Variants in CA12 observed in about 807,000 individuals in gnomAD.
CA12 encodes the protein carbonate dehydratase XII.
Under a neutral mutation model 46.8 loss-of-function variants are expected in CA12, and 36 were observed. The ratio of observed to expected loss-of-function variants is 0.77; its 90% CI spans 0.59 to 1.02. The LOEUF (loss-of-function observed/expected upper bound fraction) is 1.02. Ranked by LOEUF, CA12 falls within the 50% of genes least tolerant of loss-of-function variation. The probability of loss-of-function intolerance (pLI) is 0.00; values close to 1 mark genes in which losing one functional copy is unlikely to be tolerated. For missense variants in CA12, 436 were observed against 451.4 expected (o/e 0.97, Z 0.31); for synonymous variants, 202 against 187.0 (o/e 1.08, Z -0.65).
chr15:63,350,984 G>C (rs2039221756), intron 2 of CA12, among the ~76,000 whole-genome samples: 1 of 152,142 alleles, frequency 6.6e-6, no homozygotes, highest in Non-Finnish European at 1.5e-5. Context: ...ACCACACCTA[G>C]AGAGTTAAGA....
intron 2 of CA12, among the ~76,000 whole-genome samples, chr15:63,351,084 C>A (rs190073198): frequency 1.3e-5 from 2 of 152,300 alleles, no homozygotes; most frequent in East Asian, 3.9e-4. Flanking sequence ...TTTCAGGGTT[C>A]ACATACAGTC....
chr15:63,370,437 T>G (rs1469102523), intron 2 of CA12, among the ~76,000 whole-genome samples: 3 of 133,080 alleles, frequency 2.3e-5, no homozygotes, highest in Admixed American at 1.6e-4. Flanking sequence ...GACAAAGCCC[T>G]GTCTCAAAAA....
chr15:63,343,312 G>A (rs373223029), intron 4 of CA12, among the ~76,000 whole-genome samples: 23 of 117,312 alleles, frequency 2.0e-4, no homozygotes, highest in Non-Finnish European at 2.5e-4. Flanking sequence ...ATGGAGTTTC[G>A]CTCTTGTTGC....
chr15:63,328,625 C>T lies in CA12; in HGVS notation c.875-495G>A, dbSNP rs562288176. 3.3e-5 allele frequency among the ~76,000 whole-genome samples: 5 copies of T among 152,200 alleles called. No individual in the cohort carries two copies. The South Asian group carries it at 8.3e-4, about 25-fold the overall frequency. ...TTGGGATTATAGGCGTGAGCCCCTG[C>T]GCCCGGCCCCGATGCTCCTTTATCA... On this transcript the variant is annotated intron_variant, in intron 8 of 10. Coordinates refer to ENST00000178638, the MANE Select transcript of CA12 (RefSeq NM_001218.5). This position sits in a 1 kb window ranked among gnomAD's most constrained non-coding sequence, Gnocchi z 5.9.
At chr15:63,347,593 A>C (rs1357575796) in intron 2 of CA12, among the ~76,000 whole-genome samples, 1 of 152,250 alleles carries the variant, frequency 6.6e-6, no homozygotes, top group African/African-American at 2.4e-5. Flanking sequence ...ACCAGATAGC[A>C]GTTCCTCCCC....
chr15:63,332,109 T>C (rs2038945158), intron 8 of CA12, among the ~76,000 whole-genome samples: 1 of 152,102 alleles, frequency 6.6e-6, no homozygotes, highest in Non-Finnish European at 1.5e-5. Context: ...GTTTGATAGT[T>C]TAAATACACA....
At chr15:63,368,684 T>G (rs1188890301) in intron 2 of CA12, among the ~76,000 whole-genome samples, 1 of 152,152 alleles carries the variant, frequency 6.6e-6, no homozygotes, top group East Asian at 1.9e-4. Flanking sequence ...GACCAGCAGG[T>G]AGCAGAATGG....
rs2039524217 is a variant in CA12 at position 63,372,806 on chromosome 15, T to C, written c.106+2852A>G. 6.6e-6 allele frequency among the ~76,000 whole-genome samples: 1 copy of C among 152,204 alleles called. No individual in the cohort carries two copies. The highest frequency in any genetic ancestry group is 1.5e-5 in the Non-Finnish European group (1 of 68,032). Reference sequence around the variant, plus strand: ...CATCTGTCCTCTCCTGCACGTCCCCTCTGAGGGCTGACTCCACATCACACA... The same window carrying C: ...CATCTGTCCTCTCCTGCACGTCCCCCCTGAGGGCTGACTCCACATCACACA... On this transcript the variant is annotated intron_variant, in intron 2 of 10. Transcript: ENST00000178638. The surrounding 1 kb of genome is among the most constrained non-coding windows in gnomAD (Gnocchi z 4.5).
chr15:63,358,223 C>A (rs548689091), intron 2 of CA12, among the ~76,000 whole-genome samples: 1 of 152,320 alleles, frequency 6.6e-6, no homozygotes, highest in African/African-American at 2.4e-5. Flanking sequence ...GTGCAGAGTG[C>A]TGCAAGGCAG....
At chr15:63,354,025 A>G (rs770115337) in intron 2 of CA12, among the ~76,000 whole-genome samples, 2 of 152,182 alleles carry the variant, frequency 1.3e-5, no homozygotes, top group Admixed American at 6.5e-5. Context: ...GAAGGCCACA[A>G]CCTGCTGAAT....
Position 63,381,663 on chromosome 15 carries a change from G to C in CA12, c.58C>G (p.Gln20Glu). 6.2e-7 allele frequency: 1 copy of C among 1,611,762 alleles called. No homozygotes were observed. Among genetic ancestry groups the C allele is most frequent in the Non-Finnish European group, 8.5e-7 (1 of 1,179,058 alleles). Reference sequence around the variant, plus strand: ...TTCACTGGGGCCGGGCTGGAAGGCTGTTCCTTTAAGATCACCAGCAGGAGC... The same window carrying C: ...TTCACTGGGGCCGGGCTGGAAGGCTCTTCCTTTAAGATCACCAGCAGGAGC... ...AVLLLVILKE[Q>E]PSSPAPVNGS... The change falls in exon 1 of 11, where the codon CAG becomes GAG. Residue 20 changes from glutamine (Q) to glutamate (E), a missense_variant. Physicochemically the swap from Gln to Glu is conservative, Grantham distance 29. Coordinates refer to ENST00000178638, the MANE Select transcript of CA12 (RefSeq NM_001218.5).
chr15:63,379,572 G>T (rs1021133949), intron 1 of CA12, among the ~76,000 whole-genome samples: 3 of 152,220 alleles, frequency 2.0e-5, no homozygotes, highest in African/African-American at 7.2e-5. Flanking sequence ...CCCAAGGAAG[G>T]TTATCTGTTC....
At chr15:63,357,207 C>T (rs1447242057) in intron 2 of CA12, among the ~76,000 whole-genome samples, 1 of 152,212 alleles carries the variant, frequency 6.6e-6, no homozygotes, top group Non-Finnish European at 1.5e-5. Flanking sequence ...GTTGCCAGAA[C>T]TTGAGTGCAC....
In CA12 at chr15:63,355,507, C is replaced by T. The variant is rs1277798140; in HGVS notation, c.107-8798G>A. Reference sequence around the variant, plus strand: ...TCTGGGGGTGGCGCCCAGCATCTGCCGTTGGACAAGGCTGCCAGGCGATGC... The same window carrying T: ...TCTGGGGGTGGCGCCCAGCATCTGCTGTTGGACAAGGCTGCCAGGCGATGC... On this transcript the variant is annotated intron_variant, in intron 2 of 10. Coordinates refer to ENST00000178638, the MANE Select transcript of CA12 (RefSeq NM_001218.5). This position sits in a 1 kb window ranked among gnomAD's most constrained non-coding sequence, Gnocchi z 4.1. Among the ~76,000 whole-genome samples, 2 of 152,194 alleles carry T rather than the reference C, an allele frequency of 1.3e-5. No individual in the cohort carries two copies. The highest frequency in any genetic ancestry group is 3.8e-4 in the East Asian group (2 of 5,200).
Position 63,348,127 on chromosome 15 carries a change from ACACATCGGAACC to A in CA12, c.107-1430_107-1419del, listed in dbSNP as rs1468967284. 6.6e-6 allele frequency among the ~76,000 whole-genome samples: 1 copy of A among 152,180 alleles called. No homozygotes were observed. The highest frequency in any genetic ancestry group is 2.4e-5 in the African/African-American group (1 of 41,428). ...AGTTCTTACTTCTAGGTCCGGACAC[ACACATCGGAACC>A]CTACTGATTTTTCAGGCTGTCAACC... On this transcript the variant is annotated intron_variant, in intron 2 of 10. Coordinates refer to ENST00000178638, the MANE Select transcript of CA12 (RefSeq NM_001218.5). This position sits in a 1 kb window ranked among gnomAD's most constrained non-coding sequence, Gnocchi z 4.6.
intron 2 of CA12, among the ~76,000 whole-genome samples, chr15:63,364,342 A>AC (rs2039410174): frequency 1.3e-5 from 2 of 149,168 alleles, no homozygotes; most frequent in Non-Finnish European, 3.0e-5. Context: ...GAAAAAAAAA[A>AC]AAAAAAAAAA....
chr15:63,361,887 G>A (rs1211284152), intron 2 of CA12, among the ~76,000 whole-genome samples: 1 of 152,198 alleles, frequency 6.6e-6, no homozygotes, highest in Non-Finnish European at 1.5e-5. Flanking sequence ...CATTGTCTAA[G>A]CATTCATCAT....
At position 63,327,970 on chromosome 15, in the gene CA12, C is replaced by T; in HGVS notation, c.907+128G>A. ...CACAGAGCGACTTGAGGGTAAGACC[C>T]ATAGCAAGGAGAGGGCCAGGAGCCA... On this transcript the variant is annotated intron_variant, in intron 9 of 10. Transcript: ENST00000178638. The surrounding 1 kb of genome is among the most constrained non-coding windows in gnomAD (Gnocchi z 4.5). The T allele has an allele frequency of 1.2e-6, 1 of 837,576 alleles. No individual in the cohort carries two copies. Among genetic ancestry groups the T allele is most frequent in the South Asian group, 1.4e-5 (1 of 72,410 alleles). 51.9% of individuals were successfully genotyped at this position (837,576 alleles called of 1,614,324 possible). A position where few individuals can be genotyped will look rare whatever the true frequency, so the allele number is the denominator to read the frequency against.
At chr15:63,375,714 G>GA (rs2039561771) in intron 1 of CA12, 36 bp from the exon 2 acceptor site, 2 of 1,533,016 alleles carry the variant, frequency 1.3e-6, no homozygotes, top group Admixed American at 3.4e-5. Context: ...AAGTACAATG[G>GA]AACCAGATGA....
Sources: allele counts gnomAD v4.1 joint callset (sites outside exome capture counted in the v4.1 genomes callset), GRCh38; gene constraint gnomAD v4.1.1; non-coding constraint Gnocchi (gnomAD v3.1); transcripts MANE v1.5; gene names NCBI Gene and HGNC (gene_info 2026-07-23, HGNC 2026-07-21).